The following ARHGEF18 variants were observed in gnomAD, a reference collection of about 807,000 sequenced individuals.
The protein encoded by ARHGEF18 is Rho/Rac guanine nucleotide exchange factor 18.
In ARHGEF18, 93 loss-of-function variants were observed where a neutral mutation model predicts 155.7. The ratio of observed to expected loss-of-function variants is 0.60; its 90% CI spans 0.50 to 0.71. The LOEUF is 0.71. Among genes scored for constraint, ARHGEF18 ranks in the 30% least tolerant of loss-of-function variants. The pLI is 0.00. For missense variants in ARHGEF18, 1,593 were observed against 1,816.1 expected (o/e 0.88, Z 2.23); for synonymous variants, 742 against 753.1 (o/e 0.99, Z 0.24).
chr19:7,402,425 T>G (rs1469249619), intron 10 of ARHGEF18, among the ~76,000 whole-genome samples: 1 of 151,856 alleles, frequency 6.6e-6, no homozygotes, highest in Non-Finnish European at 1.5e-5. Context: ...TCTCAAAAAA[T>G]AAAATGAATA....
chr19:7,414,819 A>G (rs1382154423), intron 10 of ARHGEF18, among the ~76,000 whole-genome samples: 1 of 151,592 alleles, frequency 6.6e-6, no homozygotes, highest in African/African-American at 2.4e-5. Context: ...AAAAAAGAAA[A>G]AAACAAAAAC....
At chr19:7,408,203 G>C (rs939050555) in intron 10 of ARHGEF18, among the ~76,000 whole-genome samples, 1 of 151,872 alleles carries the variant, frequency 6.6e-6, no homozygotes, top group Admixed American at 6.6e-5. Flanking sequence ...GCTTGAACTC[G>C]GGAGGTTGAA....
intron 1 of ARHGEF18, among the ~76,000 whole-genome samples, chr19:7,356,498 T>A (rs1167943666): frequency 6.6e-6 from 1 of 152,104 alleles, no homozygotes; most frequent in East Asian, 1.9e-4. Context: ...GGTCTCGAAC[T>A]CCTGACCGCA....
intron 10 of ARHGEF18, among the ~76,000 whole-genome samples, chr19:7,431,435 T>G (rs1336585893): frequency 1.5e-5 from 2 of 130,388 alleles, no homozygotes; most frequent in South Asian, 2.5e-4. Context: ...GGGAATCGCT[T>G]GGGAGGCGGA....
intron 10 of ARHGEF18, among the ~76,000 whole-genome samples, chr19:7,394,563 C>T (rs1019610482): frequency 6.6e-6 from 1 of 151,916 alleles, no homozygotes; most frequent in Non-Finnish European, 1.5e-5. Context: ...CTTAACCCCG[C>T]TATCCTCCCT....
At chr19:7,424,778 G>A (rs1261141957) in intron 10 of ARHGEF18, among the ~76,000 whole-genome samples, 9 of 152,002 alleles carry the variant, frequency 5.9e-5, no homozygotes, top group African/African-American at 7.2e-5. Context: ...GGCGGATCAC[G>A]AGTTCAGGAG....
intron 10 of ARHGEF18, among the ~76,000 whole-genome samples, chr19:7,423,826 G>A (rs972381441): frequency 5.3e-5 from 8 of 151,590 alleles, no homozygotes; most frequent in Non-Finnish European, 7.4e-5. Flanking sequence ...TCTACAGCCC[G>A]CATCCCTACA....
chr19:7,383,208 G>A lies in ARHGEF18; in HGVS notation c.967+5G>A. On this transcript the variant is annotated splice_donor_5th_base_variant and intron_variant, in intron 10 of 28. Coordinates refer to ENST00000668164, the MANE Select transcript of ARHGEF18 (RefSeq NM_001367823.1). ...GCAAACCTTTCTTGAGCTCAGGTAAGTCTGGTGGCCCAATCCATCCTCCTG... is the reference window on the plus strand; with the variant it reads ...GCAAACCTTTCTTGAGCTCAGGTAAATCTGGTGGCCCAATCCATCCTCCTG... 8.1e-7 allele frequency: 1 copy of A among 1,232,392 alleles called. No homozygotes were observed. The highest frequency in any genetic ancestry group is 1.0e-6 in the Non-Finnish European group (1 of 988,162). 76.3% of individuals were successfully genotyped at this position (1,232,392 alleles called of 1,614,324 possible).
At chr19:7,403,342 T>C (rs962987202) in intron 10 of ARHGEF18, among the ~76,000 whole-genome samples, 8 of 152,126 alleles carry the variant, frequency 5.3e-5, no homozygotes, top group African/African-American at 1.7e-4. Context: ...CACCCATAGC[T>C]TTCACTGCCC....
chr19:7,438,087 C>G (rs1315051811), intron 10 of ARHGEF18, among the ~76,000 whole-genome samples: 5 of 130,880 alleles, frequency 3.8e-5, no homozygotes, highest in Admixed American at 2.4e-4. Flanking sequence ...CCCCTCCCTT[C>G]CCCTCTCCTC....
At chr19:7,428,384 GGCCTGTT>G (rs144721076) in intron 10 of ARHGEF18, among the ~76,000 whole-genome samples, 2,822 of 152,124 alleles carry the variant, frequency 0.019, 82 homozygotes, top group African/African-American at 0.064. Flanking sequence ...GTGAGCCCAC[GGCCTGTT>G]GCATGGAGAT....
chr19:7,413,831 GTTAA>G (rs1972838611), intron 10 of ARHGEF18, among the ~76,000 whole-genome samples: 1 of 152,112 alleles, frequency 6.6e-6, no homozygotes, highest in African/African-American at 2.4e-5. Context: ...TCACAAAGCT[GTTAA>G]TTAATGGGCT....
At position 7,445,157 on chromosome 19, in the gene ARHGEF18, T is replaced by A. The variant is rs1377423815; in HGVS notation, c.1611+703T>A. Among the ~76,000 whole-genome samples the A allele has an allele frequency of 2.0e-5, 3 of 152,222 alleles. No homozygotes were observed. In the East Asian group the frequency reaches 5.8e-4, roughly 29 times the overall value. On this transcript the variant is annotated intron_variant, in intron 14 of 28. Coordinates refer to ENST00000668164, the MANE Select transcript of ARHGEF18 (RefSeq NM_001367823.1). ...CTTATGCTTTCAACCGTTCAAAGCT[T>A]ACCTGTTGACTGAGTGCAGTGGCCC...
In ARHGEF18 at chr19:7,468,913, A is replaced by G. The variant is rs747763048; in HGVS notation, c.3569A>G (p.Glu1190Gly). 1.9e-6 allele frequency: 3 copies of G among 1,575,932 alleles called. No homozygotes were observed. Among genetic ancestry groups the G allele is most frequent in the East Asian group, 4.7e-5 (2 of 42,352 alleles). Residue 1190 changes from glutamate to glycine, a missense_variant, in exon 27 of 29, where the codon GAG (glutamate) becomes GGG (glycine). Glu to Gly is a moderately conservative substitution (Grantham distance 98). Transcript: ENST00000668164. The part of the protein sequence containing the change: ...VSMLPSGVGP[E>G]YAERPEVARR... ...ATGCTGCCATCCGGCGTGGGGCCAG[A>G]GTACGCAGAGCGCCCCGAGGTGGCT...
intron 10 of ARHGEF18, among the ~76,000 whole-genome samples, chr19:7,434,610 AC>A (rs1176280912): frequency 1.3e-5 from 2 of 152,138 alleles, no homozygotes; most frequent in African/African-American, 4.8e-5. Flanking sequence ...CACAAGCTGA[AC>A]CCCAAGCACC....
At chr19:7,466,892 C>A in intron 23 of ARHGEF18, 26 bp from the exon 24 acceptor site, 1 of 1,611,908 alleles carries the variant, frequency 6.2e-7, no homozygotes, top group Non-Finnish European at 8.5e-7. Flanking sequence ...GCCACTCTCT[C>A]TGGTTTGACG....
At chr19:7,425,231 C>T (rs925786605) in intron 10 of ARHGEF18, among the ~76,000 whole-genome samples, 1 of 151,950 alleles carries the variant, frequency 6.6e-6, no homozygotes, top group African/African-American at 2.4e-5. Context: ...TAAGGTGACT[C>T]ACCTATAGCA....
At chr19:7,406,321 G>T (rs1198994676) in intron 10 of ARHGEF18, among the ~76,000 whole-genome samples, 1 of 152,136 alleles carries the variant, frequency 6.6e-6, no homozygotes, top group Non-Finnish European at 1.5e-5. Context: ...CTGACCTCAG[G>T]TGATCCACCC....
At chr19:7,359,684 T>C (rs983525510) in intron 1 of ARHGEF18, among the ~76,000 whole-genome samples, 4 of 151,454 alleles carry the variant, frequency 2.6e-5, no homozygotes, top group African/African-American at 7.3e-5. Flanking sequence ...GTCTGTGATA[T>C]CAGGATCAAG....
Sources: allele counts gnomAD v4.1 joint callset (sites outside exome capture counted in the v4.1 genomes callset), GRCh38; gene constraint gnomAD v4.1.1; transcripts MANE v1.5; gene names NCBI Gene and HGNC (gene_info 2026-07-23, HGNC 2026-07-21).